CEP83: variants seen among roughly 807,000 people sequenced by gnomAD.
CEP83 encodes centrosomal protein 83, also known as centrosomal protein of 83 kDa.
In CEP83, 70 loss-of-function variants were observed where a neutral mutation model predicts 101.9. That is an observed-to-expected ratio of 0.69 (90% CI 0.57 to 0.84). CEP83 has a LOEUF of 0.84. CEP83 is among the 40% of genes least tolerant of loss of function. CEP83 has a pLI of 0.00. For missense variants in CEP83, 715 were observed against 787.2 expected (o/e 0.91, Z 1.10); for synonymous variants, 264 against 267.9 (o/e 0.99, Z 0.14).
At chr12:94,333,065 A>AAAAC (rs397790679) in intron 13 of CEP83, among the ~76,000 whole-genome samples, 1 of 150,530 alleles carries the variant, frequency 6.6e-6, no homozygotes, top group Admixed American at 6.6e-5. Context: ...AAAAAAAAAA[A>AAAAC]CAAATAAATT....
At chr12:94,415,354 G>A (rs2064188041) in intron 2 of CEP83, among the ~76,000 whole-genome samples, 1 of 152,008 alleles carries the variant, frequency 6.6e-6, no homozygotes, top group Admixed American at 6.5e-5. Flanking sequence ...AGAAGGTCTG[G>A]GCAAATTATG....
intron 6 of CEP83, among the ~76,000 whole-genome samples, chr12:94,388,555 G>A (rs1179355135): frequency 1.3e-5 from 2 of 150,846 alleles, no homozygotes; most frequent in African/African-American, 4.9e-5. Flanking sequence ...ATACACCTGT[G>A]TAACAAATCT....
intron 11 of CEP83, among the ~76,000 whole-genome samples, chr12:94,340,757 C>A (rs1022257297): frequency 4.6e-5 from 7 of 152,136 alleles, no homozygotes; most frequent in Non-Finnish European, 1.5e-5. Context: ...ACTTTTTAAA[C>A]TTGAGTTTGC....
chr12:94,359,149 TAATA>T (rs2060623274), intron 11 of CEP83, among the ~76,000 whole-genome samples: 1 of 152,186 alleles, frequency 6.6e-6, no homozygotes, highest in Admixed American at 6.5e-5. Flanking sequence ...GGTTTGCTGT[TAATA>T]AATATGTGGG....
downstream of CEP83, chr12:94,305,069 T>C (rs1968858950): frequency 1.5e-6 from 1 of 646,336 alleles, no homozygotes. Flanking sequence ...TGGAAGAAAA[T>C]GTTGGCATCT....
intron 1 of CEP83, among the ~76,000 whole-genome samples, chr12:94,457,496 A>C (rs936584516): frequency 2.6e-5 from 4 of 152,250 alleles, no homozygotes; most frequent in African/African-American, 9.6e-5. Flanking sequence ...AGAACATCCC[A>C]TGACATAATG....
At position 94,455,905 on chromosome 12, in the gene CEP83, G is replaced by A. The variant is rs570042853; in HGVS notation, c.-155+3652C>T. Among the ~76,000 whole-genome samples the A allele has an allele frequency of 3.3e-5, 5 of 152,170 alleles. No individual in the cohort carries two copies. The East Asian group carries it at 9.7e-4, about 29-fold the overall frequency. Reference sequence around the variant, plus strand: ...TATTCAAAATACAAAAAAAAAGCCAGGTGTGGTGGCATGCACCTGTTAGCC... The same window carrying A: ...TATTCAAAATACAAAAAAAAAGCCAAGTGTGGTGGCATGCACCTGTTAGCC... On this transcript the variant is annotated intron_variant, in intron 1 of 16. Transcript: ENST00000397809.
chr12:94,274,642 C>T, the CEP83 span, among the ~76,000 whole-genome samples: 1 of 152,206 alleles, frequency 6.6e-6, no homozygotes, highest in Non-Finnish European at 1.5e-5. Flanking sequence ...AGCTCTTTAG[C>T]CTTTCATGGG....
At chr12:94,386,035 T>C (rs1261526136) in intron 6 of CEP83, among the ~76,000 whole-genome samples, 1 of 152,180 alleles carries the variant, frequency 6.6e-6, no homozygotes, top group African/African-American at 2.4e-5. Flanking sequence ...TAGGTGCATA[T>C]ATGTATAGTC....
chr12:94,304,600 C>G (rs778304642), downstream of CEP83, among the ~76,000 whole-genome samples: 10 of 152,242 alleles, frequency 6.6e-5, no homozygotes, highest in East Asian at 3.9e-4. Flanking sequence ...TGATTCCCCC[C>G]CAATCATGCT....
At chr12:94,368,029 A>G (rs1422882233) in intron 10 of CEP83, 28 bp downstream of exon 10, 1 of 1,607,644 alleles carries the variant, frequency 6.2e-7, no homozygotes, top group African/African-American at 1.3e-5. Flanking sequence ...AGGATATTTA[A>G]GTCAAACTAA....
chr12:94,383,518 T>C (rs1319097767), intron 6 of CEP83, among the ~76,000 whole-genome samples: 4 of 152,080 alleles, frequency 2.6e-5, no homozygotes, highest in South Asian at 2.1e-4. Context: ...CATTGTTAAG[T>C]TGAAAAATCA....
intron 13 of CEP83, among the ~76,000 whole-genome samples, chr12:94,332,529 A>G (rs1039713241): frequency 1.3e-5 from 2 of 152,162 alleles, no homozygotes; most frequent in Non-Finnish European, 2.9e-5. Flanking sequence ...ATGAAATTCT[A>G]TGAATATTAT....
intron 14 of CEP83, among the ~76,000 whole-genome samples, chr12:94,325,638 C>T (rs2058943844): frequency 6.6e-6 from 1 of 152,112 alleles, no homozygotes; most frequent in Non-Finnish European, 1.5e-5. Flanking sequence ...AGATGCTTAA[C>T]AGATATGTTG....
chr12:94,383,381 C>G (rs894692519), intron 6 of CEP83, among the ~76,000 whole-genome samples: 1 of 151,810 alleles, frequency 6.6e-6, no homozygotes, highest in Admixed American at 6.6e-5. Flanking sequence ...GCATATGGAC[C>G]CTGACTTATG....
chr12:94,276,805 A>G, the CEP83 span: 1 of 152,286 alleles, frequency 6.6e-6, no homozygotes, highest in African/African-American at 2.4e-5. Flanking sequence ...TTGTGAGCAG[A>G]CAGGCCTTTG....
At chr12:94,423,620 G>T (rs2064950903) in intron 2 of CEP83, 23 of 1,545,546 alleles carry the variant, frequency 1.5e-5, no homozygotes, top group Non-Finnish European at 2.0e-5. Flanking sequence ...CGATGGCTAA[G>T]TGTTAGTCCT....
intron 6 of CEP83, among the ~76,000 whole-genome samples, chr12:94,397,813 T>C (rs2062993340): frequency 6.6e-6 from 1 of 152,208 alleles, no homozygotes; most frequent in Non-Finnish European, 1.5e-5. Flanking sequence ...TTTCCACAAA[T>C]TTTTACATGC....
chr12:94,312,248 T>C (rs1969977330), intron 15 of CEP83, among the ~76,000 whole-genome samples: 1 of 152,194 alleles, frequency 6.6e-6, no homozygotes, highest in South Asian at 2.1e-4. Context: ...AAAACAATTG[T>C]TCACCTGTTG....
Sources: allele counts gnomAD v4.1 joint callset (sites outside exome capture counted in the v4.1 genomes callset), GRCh38; gene constraint gnomAD v4.1.1; transcripts MANE v1.5; gene names NCBI Gene and HGNC (gene_info 2026-07-23, HGNC 2026-07-21).